Variants in IQSEC1 observed in about 807,000 individuals in gnomAD.
The protein encoded by IQSEC1 is IQ motif and SEC7 domain-containing protein 1.
In IQSEC1, 31 loss-of-function variants were observed where a neutral mutation model predicts 91.0. That is an observed-to-expected ratio of 0.34 (90% CI 0.26 to 0.46). IQSEC1 has a LOEUF of 0.46. Ranked by LOEUF, IQSEC1 falls within the 20% of genes least tolerant of loss-of-function variation. The pLI is 1.00. For synonymous variants in IQSEC1, 699 were observed against 662.6 expected (o/e 1.05, Z -0.84); for missense variants, 1,388 against 1,575.6 (o/e 0.88, Z 2.02).
chr3:13,197,712 G>A (rs1421835051), intron 1 of IQSEC1, among the ~76,000 whole-genome samples: 1 of 152,220 alleles, frequency 6.6e-6, no homozygotes, highest in African/African-American at 2.4e-5. Flanking sequence ...GCCAGGCATG[G>A]GTGGGGCATC....
rs1330462730 is a variant in IQSEC1 at position 12,979,775 on chromosome 3, C to G, written c.24-37910G>C. ...CGGAAGGAGAACTCTCTCTCATGTT[C>G]CAGGTGGTATGCTCCATGTCACCAA... is the stretch of plus-strand genomic sequence containing the variant. On this transcript the variant is annotated intron_variant, in intron 1 of 13. Coordinates refer to ENST00000613206, the MANE Select transcript of IQSEC1 (RefSeq NM_001134382.3). This position sits in a 1 kb window ranked among gnomAD's most constrained non-coding sequence, Gnocchi z 4.3. Among the ~76,000 whole-genome samples, 10 of 152,168 alleles carry G rather than the reference C, an allele frequency of 6.6e-5. No individual in the cohort carries two copies.
intron 1 of IQSEC1, among the ~76,000 whole-genome samples, chr3:13,190,500 G>A (rs1378347219): frequency 1.3e-5 from 2 of 151,186 alleles, no homozygotes; most frequent in African/African-American, 4.9e-5. Context: ...AGGCTGCAGT[G>A]AGTTGTGATT....
intron 1 of IQSEC1, among the ~76,000 whole-genome samples, chr3:13,205,538 C>T (rs1202176878): frequency 2.6e-5 from 4 of 151,354 alleles, no homozygotes; most frequent in African/African-American, 9.7e-5. Context: ...CATCCACCCA[C>T]CCATCCACCC....
chr3:13,224,616 G>T (rs1189658694), intron 1 of IQSEC1, among the ~76,000 whole-genome samples: 1 of 152,050 alleles, frequency 6.6e-6, no homozygotes, highest in East Asian at 1.9e-4. Flanking sequence ...TCGACTTGAC[G>T]TTCAGTGCCA....
At chr3:12,965,261 C>T (rs1700489083) in intron 1 of IQSEC1, among the ~76,000 whole-genome samples, 1 of 152,232 alleles carries the variant, frequency 6.6e-6, no homozygotes, top group Non-Finnish European at 1.5e-5. Context: ...GGTGGCATGG[C>T]TGGACTTGGG....
Position 12,922,027 on chromosome 3 carries a change from G to A in IQSEC1, c.1853+93C>T. 1.4e-6 allele frequency: 2 copies of A among 1,424,320 alleles called. No individual in the cohort carries two copies. The highest frequency in any genetic ancestry group is 1.9e-6 in the Non-Finnish European group (2 of 1,068,006). The allele number at this position is 1,424,320 out of a possible 1,614,324, so 88.2% of individuals were successfully genotyped here. ...GGACACCTGGCCCTGTCTAGGGATG[G>A]TGGGGATGCAGTCTTTGGTCCATCC... is the stretch of plus-strand genomic sequence containing the variant. On this transcript the variant is annotated intron_variant, in intron 5 of 13. Coordinates refer to ENST00000613206, the MANE Select transcript of IQSEC1 (RefSeq NM_001134382.3). The surrounding 1 kb of genome is among the most constrained non-coding windows in gnomAD (Gnocchi z 5.1).
intron 1 of IQSEC1, among the ~76,000 whole-genome samples, chr3:12,984,263 C>T (rs1701613670): frequency 1.3e-5 from 2 of 152,270 alleles, no homozygotes; most frequent in South Asian, 2.1e-4. Context: ...AGGAGGACCA[C>T]GGGGAGATAG....
In IQSEC1 at chr3:12,971,187, T is replaced by G. The variant is rs117277389; in HGVS notation, c.24-29322A>C. ...TAAATGAAGCTCTCCTGAGGCAGTC[T>G]TACATTGGCTCCAACTACCCTGGCA... On this transcript the variant is annotated intron_variant, in intron 1 of 13. Transcript: ENST00000613206. 3.3e-4 allele frequency among the ~76,000 whole-genome samples: 51 copies of G among 152,338 alleles called. No homozygotes were observed. In the East Asian group the frequency reaches 9.1e-3, roughly 27 times the overall value.
chr3:13,208,004 T>A (rs1392764451), intron 1 of IQSEC1, among the ~76,000 whole-genome samples: 1 of 152,136 alleles, frequency 6.6e-6, no homozygotes, highest in Non-Finnish European at 1.5e-5. Context: ...AATCACTGTA[T>A]GTTTCTATCA....
At chr3:12,964,200 T>C (rs544940076) in intron 1 of IQSEC1, among the ~76,000 whole-genome samples, 1 of 152,230 alleles carries the variant, frequency 6.6e-6, no homozygotes, top group South Asian at 2.1e-4. Flanking sequence ...GCCATGCCAA[T>C]TAATTCTTCA....
intron 1 of IQSEC1, chr3:13,015,725 C>T: frequency 1.0e-6 from 1 of 985,446 alleles, no homozygotes; most frequent in African/African-American, 1.7e-5. Flanking sequence ...CAGGAAACCA[C>T]ACCCAGGGGA....
chr3:13,011,246 C>T (rs1016947472), intron 1 of IQSEC1, among the ~76,000 whole-genome samples: 16 of 152,298 alleles, frequency 1.1e-4, no homozygotes, highest in African/African-American at 3.1e-4. Context: ...AGGGCCTACC[C>T]GCAGGGGCTT....
intron 1 of IQSEC1, among the ~76,000 whole-genome samples, chr3:13,050,467 A>G (rs1385562892): frequency 2.0e-5 from 3 of 152,218 alleles, no homozygotes; most frequent in African/African-American, 7.2e-5. Flanking sequence ...GTGCCCATAA[A>G]GTAAAAGGGC....
At chr3:12,938,738 G>A (rs1188069134) in intron 2 of IQSEC1, among the ~76,000 whole-genome samples, 1 of 152,150 alleles carries the variant, frequency 6.6e-6, no homozygotes, top group African/African-American at 2.4e-5. Context: ...CAGGCCTAGA[G>A]CTCCCCGCAG....
At chr3:13,007,500 C>T (rs925708425) in intron 1 of IQSEC1, among the ~76,000 whole-genome samples, 1 of 152,238 alleles carries the variant, frequency 6.6e-6, no homozygotes, top group Non-Finnish European at 1.5e-5. Flanking sequence ...AATTCTGATG[C>T]TGCCACTTTC....
chr3:13,130,610 T>C (rs1706595884), intron 2 of IQSEC1, among the ~76,000 whole-genome samples: 1 of 152,058 alleles, frequency 6.6e-6, no homozygotes, highest in Non-Finnish European at 1.5e-5. Context: ...ATCCTATCCA[T>C]ACATCAAGGC....
intron 1 of IQSEC1, among the ~76,000 whole-genome samples, chr3:12,949,125 G>A (rs919308797): frequency 6.6e-6 from 1 of 152,214 alleles, no homozygotes; most frequent in African/African-American, 2.4e-5. Flanking sequence ...GAGTCACCAA[G>A]TCAAGGTTGT....
chr3:13,058,794 G>T (rs1379630385), intron 1 of IQSEC1, among the ~76,000 whole-genome samples: 1 of 152,198 alleles, frequency 6.6e-6, no homozygotes, highest in Non-Finnish European at 1.5e-5. Context: ...ATGCTGTCAC[G>T]ACACACAGTG....
chr3:13,235,373 G>GC (rs1694910546), intron 1 of IQSEC1, among the ~76,000 whole-genome samples: 1 of 152,194 alleles, frequency 6.6e-6, no homozygotes, highest in East Asian at 1.9e-4. Context: ...ACTGCTGCTG[G>GC]CCCCGGGGGA....
Sources: gnomAD v4.1 joint callset for allele counts (sites outside exome capture counted in the v4.1 genomes callset) on GRCh38, gnomAD v4.1.1 for gene constraint, Gnocchi (gnomAD v3.1) non-coding constraint, MANE v1.5 for transcripts, NCBI Gene and HGNC (gene_info 2026-07-23, HGNC 2026-07-21) for gene names.